TRIM24: variants seen among roughly 807,000 people sequenced by gnomAD.
TRIM24 encodes the protein transcription intermediary factor 1-alpha.
In TRIM24, 29 loss-of-function variants were observed where a neutral mutation model predicts 123.9. The observed-to-expected ratio is 0.23, with a 90% CI of 0.17 to 0.32. The LOEUF (loss-of-function observed/expected upper bound fraction) is 0.32. Ranked by LOEUF, TRIM24 falls within the 10% of genes least tolerant of loss-of-function variation. The pLI is 1.00. For synonymous variants in TRIM24, 456 were observed against 461.1 expected (o/e 0.99, Z 0.14); for missense variants, 932 against 1,295.3 (o/e 0.72, Z 4.31).
rs1798067926 is a variant in TRIM24 at position 138,589,342 on chromosome 7, T to C, written c.*4391T>C. 2.0e-5 allele frequency: 3 copies of C among 152,128 alleles called. No individual in the cohort carries two copies. 9.4% of individuals were successfully genotyped at this position (152,128 alleles called of 1,614,324 possible). A position where few individuals can be genotyped will look rare whatever the true frequency, so the allele number is the denominator to read the frequency against. On this transcript the variant is annotated 3_prime_UTR_variant, in exon 19 of 19. Transcript: ENST00000343526. ...TTTTGGGGGCAGATTGGTGCTTTGG[T>C]TTTAATAAAAACTAACTTTGATGGA...
intron 6 of TRIM24, among the ~76,000 whole-genome samples, chr7:138,531,267 T>C (rs1035537152): frequency 6.6e-6 from 1 of 152,076 alleles, no homozygotes; most frequent in East Asian, 1.9e-4. Context: ...GTTACATATG[T>C]TTACATGTGT....
chr7:138,550,730 C>T (rs113754573), intron 7 of TRIM24, among the ~76,000 whole-genome samples: 8 of 152,098 alleles, frequency 5.3e-5, no homozygotes, highest in Middle Eastern at 3.2e-3. Flanking sequence ...GAATCCTTTT[C>T]TAAGAGAGTA....
At chr7:138,509,027 C>T (rs1796228153) in intron 2 of TRIM24, among the ~76,000 whole-genome samples, 1 of 151,992 alleles carries the variant, frequency 6.6e-6, no homozygotes, top group Non-Finnish European at 1.5e-5. Context: ...CCGCCCACTG[C>T]AACCTCCTCC....
chr7:138,460,955 C>T (rs766311886), intron 1 of TRIM24, 43 bp downstream of exon 1: 26 of 1,366,098 alleles, frequency 1.9e-5, no homozygotes, highest in African/African-American at 9.3e-5. Context: ...GGGAGAGGGC[C>T]AGGAGGGGGC....
At chr7:138,495,147 G>A (rs1015279282) in intron 1 of TRIM24, among the ~76,000 whole-genome samples, 4 of 152,160 alleles carry the variant, frequency 2.6e-5, no homozygotes, top group Non-Finnish European at 2.9e-5. Flanking sequence ...ATTATTTATA[G>A]GGAAGGTGAA....
chr7:138,568,981 C>A lies in TRIM24; in HGVS notation c.1704+1327C>A, dbSNP rs376293953. On this transcript the variant is annotated intron_variant, in intron 10 of 18. Coordinates refer to ENST00000343526, the MANE Select transcript of TRIM24 (RefSeq NM_015905.3). ...GCCTTTGCTATATCATCACCAAATTCTCTTAAACAATATTTTAATTATTTA... is the reference window on the plus strand; with the variant it reads ...GCCTTTGCTATATCATCACCAAATTATCTTAAACAATATTTTAATTATTTA... Among the ~76,000 whole-genome samples the A allele has an allele frequency of 3.0e-4, 45 of 152,282 alleles. No individual in the cohort carries two copies. The South Asian group carries it at 6.2e-3, about 21-fold the overall frequency.
intron 6 of TRIM24, among the ~76,000 whole-genome samples, chr7:138,537,704 GC>G (rs1215533869): frequency 1.3e-5 from 2 of 152,128 alleles, no homozygotes; most frequent in Admixed American, 6.5e-5. Flanking sequence ...ATATGGCAGA[GC>G]CGTTGGATGT....
rs565128422 is a variant in TRIM24, at chr7:138,551,176, C to T, written c.1257C>T (p.Asn419=). 8.0e-5 allele frequency: 128 copies of T among 1,609,844 alleles called. 2 individuals are homozygous for T. The South Asian group carries it at 1.3e-3, about 17-fold the overall frequency. Residue 419 remains asparagine (N), a synonymous_variant, in exon 8 of 19, where the codon AAC becomes AAT. Transcript: ENST00000343526. The part of the protein sequence containing the change: ...DPSFWAQNII[N]LGSLVIEDKE... ...GTTTCTGGGCTCAAAATATCATCAA[C>T]TTAGGTGGGCCATTACCATTACATA...
rs1798078581 is a variant in TRIM24, at chr7:138,589,985, C to T, written c.*5034C>T. The T allele has an allele frequency of 6.6e-6, 1 of 152,058 alleles. No individual in the cohort carries two copies. The highest frequency in any genetic ancestry group is 6.6e-5 in the Admixed American group (1 of 15,260). 9.4% of individuals were successfully genotyped at this position (152,058 alleles called of 1,614,324 possible). ...GTTAAACATTTAATAAAATTATTTTCCCACGTTTTCACATGTGGTATGGAA... is the reference window on the plus strand; with the variant it reads ...GTTAAACATTTAATAAAATTATTTTTCCACGTTTTCACATGTGGTATGGAA... On this transcript the variant is annotated 3_prime_UTR_variant, in exon 19 of 19. Coordinates refer to ENST00000343526, the MANE Select transcript of TRIM24 (RefSeq NM_015905.3).
chr7:138,539,945 C>T (rs1397809899), intron 7 of TRIM24, among the ~76,000 whole-genome samples: 6 of 151,946 alleles, frequency 3.9e-5, no homozygotes, highest in South Asian at 2.1e-4. Flanking sequence ...GAACTACAGG[C>T]GTCCGCCACC....
intron 1 of TRIM24, among the ~76,000 whole-genome samples, chr7:138,485,023 G>A (rs1795613463): frequency 6.6e-6 from 1 of 151,826 alleles, no homozygotes; most frequent in Non-Finnish European, 1.5e-5. Flanking sequence ...CTAACGTTAT[G>A]AATTTTCTTT....
intron 2 of TRIM24, 34 bp downstream of exon 2, chr7:138,504,442 C>T: frequency 2.2e-6 from 2 of 889,330 alleles, no homozygotes; most frequent in South Asian, 2.6e-5. Flanking sequence ...TTTTGCCTGC[C>T]AGCTCTTTTT....
intron 2 of TRIM24, among the ~76,000 whole-genome samples, chr7:138,507,324 A>G (rs949871553): frequency 2.0e-5 from 3 of 151,052 alleles, no homozygotes; most frequent in Non-Finnish European, 4.4e-5. Context: ...GATTACATTG[A>G]TGTTTATTCC....
intron 2 of TRIM24, among the ~76,000 whole-genome samples, chr7:138,508,955 T>A (rs1796226788): frequency 6.6e-6 from 1 of 151,948 alleles, no homozygotes; most frequent in African/African-American, 2.4e-5. Flanking sequence ...AGAGACTTTA[T>A]TTATTTATTT....
Position 138,586,026 on chromosome 7 carries a change from C to A in TRIM24, c.*1075C>A, listed in dbSNP as rs1001891672. On this transcript the variant is annotated 3_prime_UTR_variant, in exon 19 of 19. Coordinates refer to ENST00000343526, the MANE Select transcript of TRIM24 (RefSeq NM_015905.3). Reference sequence around the variant, plus strand: ...TTTTTTTTTTTCCTGAAGCATCTATCTCATGTTTTTCTTTTGAGAGTCAGA... The same window carrying A: ...TTTTTTTTTTTCCTGAAGCATCTATATCATGTTTTTCTTTTGAGAGTCAGA... 2.7e-5 allele frequency: 12 copies of A among 442,952 alleles called. No homozygotes were observed. The highest frequency in any genetic ancestry group is 4.9e-5 in the Non-Finnish European group (11 of 225,384). 27.4% of individuals were successfully genotyped at this position (442,952 alleles called of 1,614,324 possible). A position where few individuals can be genotyped will look rare whatever the true frequency, so the allele number is the denominator to read the frequency against.
At chr7:138,533,420 A>AT (rs1259945783) in intron 6 of TRIM24, among the ~76,000 whole-genome samples, 1 of 152,206 alleles carries the variant, frequency 6.6e-6, no homozygotes, top group Non-Finnish European at 1.5e-5. Context: ...AGTTTTTAGC[A>AT]TGAAGGGCTG....
chr7:138,579,659 GA>G (rs1584749883), intron 15 of TRIM24, 127 bp downstream of exon 15: 4 of 732,220 alleles, frequency 5.5e-6, no homozygotes, highest in Non-Finnish European at 8.8e-6. Flanking sequence ...AAATCCCAAT[GA>G]ATAGTCTAGG....
chr7:138,546,110 T>C (rs1797096990), intron 7 of TRIM24, among the ~76,000 whole-genome samples: 1 of 152,164 alleles, frequency 6.6e-6, no homozygotes, highest in East Asian at 1.9e-4. Context: ...AATCTCAGAA[T>C]ACCTCTTCAA....
chr7:138,577,979 A>AGAC (rs1308645925), intron 14 of TRIM24, among the ~76,000 whole-genome samples: 2 of 152,166 alleles, frequency 1.3e-5, no homozygotes, highest in African/African-American at 4.8e-5. Flanking sequence ...ACAAGAAAGA[A>AGAC]GACATAAGAT....
Sources: allele counts gnomAD v4.1 joint callset (sites outside exome capture counted in the v4.1 genomes callset), GRCh38; gene constraint gnomAD v4.1.1; transcripts MANE v1.5; gene names NCBI Gene and HGNC (gene_info 2026-07-23, HGNC 2026-07-21).